The following TOM1L2 variants were observed in gnomAD, a reference collection of about 807,000 sequenced individuals.
The protein encoded by TOM1L2 is target of myb1 like 2 membrane trafficking protein.
Under a neutral mutation model 67.9 loss-of-function variants are expected in TOM1L2, and 31 were observed. The observed-to-expected ratio is 0.46, with a 90% CI of 0.34 to 0.62. The LOEUF (loss-of-function observed/expected upper bound fraction) is 0.62, where lower values mean the gene tolerates loss of function less well. TOM1L2 is among the 20% of genes least tolerant of loss of function. The probability of loss-of-function intolerance (pLI) is 0.01; values close to 1 mark genes in which losing one functional copy is unlikely to be tolerated. For synonymous variants in TOM1L2, 256 were observed against 254.0 expected, an observed-to-expected ratio of 1.01 and a Z score of -0.07; for missense variants, 606 against 663.5, an observed-to-expected ratio of 0.91 and a Z score of 0.95.
chr17:17,853,388 C>A (rs191622862), intron 12 of TOM1L2, among the ~76,000 whole-genome samples: 5 of 152,290 alleles, frequency 3.3e-5, no homozygotes, highest in African/African-American at 7.2e-5. Flanking sequence ...GGGTCAGGGG[C>A]CTTAAACCTT....
intron 8 of TOM1L2, 128 bp downstream of exon 8, chr17:17,869,212 T>C: frequency 6.6e-7 from 1 of 1,513,018 alleles, no homozygotes; most frequent in South Asian, 1.2e-5. Context: ...TTAGCATCTC[T>C]GATGAGTATT....
At chr17:17,854,724 G>T (rs1384867936) in intron 12 of TOM1L2, among the ~76,000 whole-genome samples, 1 of 151,462 alleles carries the variant, frequency 6.6e-6, no homozygotes, top group East Asian at 1.9e-4. Flanking sequence ...AGTAGAGACA[G>T]GGTTTTGCCA....
At chr17:17,940,969 A>C (rs2040710776) in intron 1 of TOM1L2, among the ~76,000 whole-genome samples, 1 of 152,176 alleles carries the variant, frequency 6.6e-6, no homozygotes, top group Non-Finnish European at 1.5e-5. Context: ...TACTTGTAAG[A>C]TTTGTACCAT....
intron 1 of TOM1L2, among the ~76,000 whole-genome samples, chr17:17,958,818 G>A (rs2041573179): frequency 6.6e-6 from 1 of 152,244 alleles, no homozygotes; most frequent in South Asian, 2.1e-4. Flanking sequence ...GTACATTTCA[G>A]TGTTGGAACT....
chr17:17,925,467 T>A (rs2144648021), intron 1 of TOM1L2, among the ~76,000 whole-genome samples: 1 of 152,178 alleles, frequency 6.6e-6, no homozygotes, highest in Non-Finnish European at 1.5e-5. Context: ...AAGAGGATAT[T>A]ATACAGCAAA....
In TOM1L2 at chr17:17,847,615, G is replaced by A. The variant is rs2035715653; in HGVS notation, c.*20C>T. 1.3e-6 allele frequency: 2 copies of A among 1,589,058 alleles called. No individual in the cohort carries two copies. The highest frequency in any genetic ancestry group is 1.3e-5 in the African/African-American group (1 of 74,362). ...TGCGAGCGGGGACCCGCCATCTGGG[G>A]AGGCAAACCACAGAGCTGCTCACAG... On this transcript the variant is annotated 3_prime_UTR_variant, in exon 15 of 15. Coordinates refer to ENST00000379504, the MANE Select transcript of TOM1L2 (RefSeq NM_001082968.2).
At chr17:17,911,927 C>T (rs1354079734) in intron 1 of TOM1L2, among the ~76,000 whole-genome samples, 1 of 148,674 alleles carries the variant, frequency 6.7e-6, no homozygotes, top group African/African-American at 2.5e-5. Context: ...TCCATTTAAC[C>T]CTGAGTGGAC....
At chr17:17,930,919 AT>A (rs1001007608) in intron 1 of TOM1L2, among the ~76,000 whole-genome samples, 27 of 151,978 alleles carry the variant, frequency 1.8e-4, no homozygotes, top group Non-Finnish European at 3.1e-4. Context: ...TAGGATGGGG[AT>A]TTTTTTTCCC....
chr17:17,964,890 A>G (rs2041820341), intron 1 of TOM1L2, among the ~76,000 whole-genome samples: 1 of 152,256 alleles, frequency 6.6e-6, no homozygotes, highest in South Asian at 2.1e-4. Flanking sequence ...TAAACAGAGC[A>G]GGAGGAGGAG....
At chr17:17,894,975 A>ACACGCATG (rs1555598778) in intron 3 of TOM1L2, among the ~76,000 whole-genome samples, 1 of 147,692 alleles carries the variant, frequency 6.8e-6, no homozygotes, top group Non-Finnish European at 1.5e-5. Context: ...ATACATACAT[A>ACACGCATG]CATGCATGCA....
At position 17,866,974 on chromosome 17, in the gene TOM1L2, T is replaced by C. The variant is rs755288399; in HGVS notation, c.912-50A>G. 22 of 1,578,146 alleles carry C rather than the reference T, an allele frequency of 1.4e-5. 1 individual carries two copies. In the South Asian group the frequency reaches 2.1e-4, roughly 15 times the overall value. On this transcript the variant is annotated intron_variant, in intron 8 of 14. Transcript: ENST00000379504. ...GTAAGGAGAGAGGATGCCTGTGATA[T>C]GGCCCTGTGGGGTGCTCACTAGTCC...
At chr17:17,871,960 C>T (rs572984643) in intron 7 of TOM1L2, 2 of 985,120 alleles carry the variant, frequency 2.0e-6, no homozygotes, top group South Asian at 9.4e-5. Context: ...CCACAAAATA[C>T]CCACTCTCCT....
intron 4 of TOM1L2, among the ~76,000 whole-genome samples, chr17:17,891,954 A>G (rs920519283): frequency 6.7e-6 from 1 of 149,696 alleles, no homozygotes; most frequent in Non-Finnish European, 1.5e-5. Context: ...ATAAAGAAAT[A>G]CTGAACACCC....
chr17:17,898,427 G>C (rs2144290840), intron 3 of TOM1L2, among the ~76,000 whole-genome samples, 169 bp downstream of exon 3: 1 of 152,328 alleles, frequency 6.6e-6, no homozygotes, highest in Admixed American at 6.5e-5. Flanking sequence ...TCAGAGGACA[G>C]GAAAACCCAA....
rs9892833 is a variant in TOM1L2, at chr17:17,937,958, C to G, written c.53-30427G>C. Reference sequence around the variant, plus strand: ...CCTAATAGAGAACCACACTCCATTCCTGCCACTCACAGAAAGGTCTCCACT... The same window carrying G: ...CCTAATAGAGAACCACACTCCATTCGTGCCACTCACAGAAAGGTCTCCACT... On this transcript the variant is annotated intron_variant, in intron 1 of 14. Transcript: ENST00000379504. Among the ~76,000 whole-genome samples, 23 of 152,330 alleles carry G rather than the reference C, an allele frequency of 1.5e-4. No homozygotes were observed. In the East Asian group the frequency reaches 4.4e-3, roughly 29 times the overall value.
At chr17:17,856,296 C>T (rs1180431287) in intron 12 of TOM1L2, among the ~76,000 whole-genome samples, 3 of 152,270 alleles carry the variant, frequency 2.0e-5, no homozygotes, top group Admixed American at 2.0e-4. Context: ...AAATGAGAGG[C>T]CTGGGCCAGC....
chr17:17,935,351 G>T (rs1461592787), intron 1 of TOM1L2, among the ~76,000 whole-genome samples: 1 of 152,202 alleles, frequency 6.6e-6, no homozygotes, highest in Non-Finnish European at 1.5e-5. Context: ...CCTTAGCTGA[G>T]CTTCTTCTGA....
chr17:17,857,665 T>G (rs934263332), intron 12 of TOM1L2: 2 of 1,007,792 alleles, frequency 2.0e-6, no homozygotes, highest in Non-Finnish European at 2.9e-6. Context: ...CCTTGTACTG[T>G]CTGATTCACA....
At chr17:17,854,935 G>A (rs1216257056) in intron 12 of TOM1L2, among the ~76,000 whole-genome samples, 2 of 152,178 alleles carry the variant, frequency 1.3e-5, no homozygotes, top group African/African-American at 4.8e-5. Context: ...GGGACAGAAA[G>A]GAAGAAGACA....
Sources: allele counts gnomAD v4.1 joint callset (sites outside exome capture counted in the v4.1 genomes callset), GRCh38; gene constraint gnomAD v4.1.1; transcripts MANE v1.5; gene names NCBI Gene and HGNC (gene_info 2026-07-23, HGNC 2026-07-21).